The following SCLT1 variants were observed in gnomAD, a reference collection of about 807,000 sequenced individuals.
SCLT1 encodes sodium channel-associated protein 1.
A neutral mutation model predicts 112.8 loss-of-function variants in SCLT1; 78 were observed. The ratio of observed to expected loss-of-function variants is 0.69; its 90% CI spans 0.58 to 0.83. The LOEUF is 0.83. Among genes scored for constraint, SCLT1 ranks in the 40% least tolerant of loss-of-function variants. The probability of loss-of-function intolerance (pLI) is 0.00; values close to 1 mark genes in which losing one functional copy is unlikely to be tolerated. For missense variants in SCLT1, 747 were observed against 770.4 expected (o/e 0.97, Z 0.36); for synonymous variants, 257 against 254.7 (o/e 1.01, Z -0.09).
At chr4:129,062,917 C>T (rs992447269) in intron 2 of SCLT1, among the ~76,000 whole-genome samples, 1 of 152,178 alleles carries the variant, frequency 6.6e-6, no homozygotes, top group African/African-American at 2.4e-5. Context: ...GTCTGACGTC[C>T]AGACGTCTCC....
chr4:129,009,685 T>G (rs1372997260), intron 5 of SCLT1, among the ~76,000 whole-genome samples: 1 of 152,190 alleles, frequency 6.6e-6, no homozygotes, highest in Admixed American at 6.5e-5. Context: ...GGTATCTCAT[T>G]GTGGTTTTGA....
At chr4:128,974,988 T>C (rs1418559832) in intron 9 of SCLT1, among the ~76,000 whole-genome samples, 4 of 151,756 alleles carry the variant, frequency 2.6e-5, no homozygotes, top group African/African-American at 9.7e-5. Flanking sequence ...CTGGGATTTT[T>C]CATTAATGTA....
At chr4:129,058,180 T>C (rs547905574) in intron 2 of SCLT1, among the ~76,000 whole-genome samples, 6 of 152,214 alleles carry the variant, frequency 3.9e-5, no homozygotes, top group South Asian at 2.1e-4. Context: ...GAATTTTTCA[T>C]TTTGTTGATC....
chr4:128,953,588 A>T, intron 13 of SCLT1, among the ~76,000 whole-genome samples: 1 of 152,010 alleles, frequency 6.6e-6, no homozygotes. Context: ...AGGTCAGGAG[A>T]CCGAGACCAT....
intron 5 of SCLT1, among the ~76,000 whole-genome samples, chr4:129,013,951 C>A (rs1417273637): frequency 6.6e-6 from 1 of 152,170 alleles, no homozygotes; most frequent in Non-Finnish European, 1.5e-5. Flanking sequence ...GCCTATGAGT[C>A]ATAGATTTGG....
intron 9 of SCLT1, among the ~76,000 whole-genome samples, chr4:128,990,189 C>G (rs1742437714): frequency 6.6e-6 from 1 of 151,892 alleles, no homozygotes; most frequent in African/African-American, 2.4e-5. Context: ...AACACAGATG[C>G]AAAAATCCTC....
At position 128,942,027 on chromosome 4, in the gene SCLT1, T is replaced by C. The variant is rs894392295; in HGVS notation, c.1632+969A>G. On this transcript the variant is annotated intron_variant, in intron 17 of 20. Coordinates refer to ENST00000281142, the MANE Select transcript of SCLT1 (RefSeq NM_144643.4). ...TGATTATTCTTATGTTGATAACACA[T>C]TGTCTAAATTATTTTAGCTTTTTAT... Among the ~76,000 whole-genome samples the C allele has an allele frequency of 3.3e-5, 5 of 152,224 alleles. No individual in the cohort carries two copies. The South Asian group carries it at 1.0e-3, about 32-fold the overall frequency.
intron 9 of SCLT1, among the ~76,000 whole-genome samples, chr4:128,975,240 C>T (rs1035262233): frequency 2.6e-5 from 4 of 151,668 alleles, no homozygotes; most frequent in East Asian, 1.9e-4. Context: ...GGGGTTTCAC[C>T]GTGTTAGCCA....
At chr4:129,052,778 A>C (rs1748933112) in intron 2 of SCLT1, among the ~76,000 whole-genome samples, 1 of 151,804 alleles carries the variant, frequency 6.6e-6, no homozygotes, top group Non-Finnish European at 1.5e-5. Context: ...TAGCTTTTGC[A>C]TTTGTTTGCT....
chr4:128,948,412 A>G, intron 15 of SCLT1, 84 bp downstream of exon 15: 1 of 1,468,840 alleles, frequency 6.8e-7, no homozygotes, highest in South Asian at 1.3e-5. Context: ...AGGAATTGCT[A>G]GTAGATGGCA....
intron 1 of SCLT1, among the ~76,000 whole-genome samples, chr4:129,087,395 A>G (rs1752485263): frequency 6.6e-6 from 1 of 152,160 alleles, no homozygotes; most frequent in Non-Finnish European, 1.5e-5. Flanking sequence ...ACATACTCTT[A>G]CAGAAAGTTG....
chr4:128,969,308 C>T (rs1055885041), intron 10 of SCLT1, among the ~76,000 whole-genome samples: 1 of 152,110 alleles, frequency 6.6e-6, no homozygotes, highest in African/African-American at 2.4e-5. Context: ...CGCGGTGGCT[C>T]ACACCTGTAA....
chr4:128,890,964 G>C, intron 19 of SCLT1, 95 bp downstream of exon 19: 2 of 786,312 alleles, frequency 2.5e-6, no homozygotes, highest in Non-Finnish European at 4.3e-6. Context: ...TTATTTCCAA[G>C]TAGAGAAATA....
At chr4:128,886,363 GATA>G (rs1017804067) in intron 20 of SCLT1, among the ~76,000 whole-genome samples, 2 of 151,976 alleles carry the variant, frequency 1.3e-5, no homozygotes, top group African/African-American at 4.8e-5. Flanking sequence ...TGTCAGAGAT[GATA>G]ATAATTTTTA....
intron 18 of SCLT1, among the ~76,000 whole-genome samples, chr4:128,932,705 T>G (rs974334504): frequency 6.6e-6 from 1 of 152,050 alleles, no homozygotes; most frequent in Non-Finnish European, 1.5e-5. Flanking sequence ...CTAATATATA[T>G]AAAACCCTAA....
At chr4:129,047,961 T>A (rs1189706214) in intron 2 of SCLT1, among the ~76,000 whole-genome samples, 1 of 152,174 alleles carries the variant, frequency 6.6e-6, no homozygotes, top group African/African-American at 2.4e-5. Context: ...GATTGTTTCC[T>A]GAACAATACA....
At chr4:129,020,325 A>C (rs1371890256) in intron 5 of SCLT1, among the ~76,000 whole-genome samples, 1 of 152,220 alleles carries the variant, frequency 6.6e-6, no homozygotes, top group Non-Finnish European at 1.5e-5. Flanking sequence ...GGTATCTGCC[A>C]TGCCCAGACT....
intron 19 of SCLT1, among the ~76,000 whole-genome samples, chr4:128,890,467 T>G (rs1294222140): frequency 2.0e-5 from 3 of 152,134 alleles, no homozygotes; most frequent in Non-Finnish European, 4.4e-5. Context: ...AGTAACGATT[T>G]CACTATAGCT....
intron 2 of SCLT1, among the ~76,000 whole-genome samples, chr4:129,055,302 A>T (rs1382205522): frequency 6.6e-6 from 1 of 152,172 alleles, no homozygotes; most frequent in East Asian, 1.9e-4. Context: ...CTGTGCTGGG[A>T]GGATCCTGCT....
Sources: gnomAD v4.1 joint callset for allele counts (sites outside exome capture counted in the v4.1 genomes callset) on GRCh38, gnomAD v4.1.1 for gene constraint, MANE v1.5 for transcripts, NCBI Gene and HGNC (gene_info 2026-07-23, HGNC 2026-07-21) for gene names.